ARID1B: variants seen among roughly 807,000 people sequenced by gnomAD.
The protein encoded by ARID1B is AT-rich interactive domain-containing protein 1B.
A neutral mutation model predicts 212.3 loss-of-function variants in ARID1B; 30 were observed. The ratio of observed to expected loss-of-function variants is 0.14; its 90% CI spans 0.11 to 0.19. The LOEUF (loss-of-function observed/expected upper bound fraction) is 0.19, where lower values mean the gene tolerates loss of function less well. Ranked by LOEUF, ARID1B falls within the 10% of genes least tolerant of loss-of-function variation. The probability of loss-of-function intolerance (pLI) is 1.00; values close to 1 mark genes in which losing one functional copy is unlikely to be tolerated. For missense variants in ARID1B, 2,891 were observed against 3,204.0 expected, an observed-to-expected ratio of 0.90 and a Z score of 2.36; for synonymous variants, 1,402 against 1,301.7, an observed-to-expected ratio of 1.08 and a Z score of -1.66.
intron 4 of ARID1B, among the ~76,000 whole-genome samples, chr6:156,979,961 T>C (rs1428533540): frequency 6.6e-6 from 1 of 152,108 alleles, no homozygotes; most frequent in African/African-American, 2.4e-5. Flanking sequence ...ATGGCTCGGC[T>C]TCCCAAAGTG....
Position 157,208,010 on chromosome 6 carries a change from C to G in ARID1B, c.*119C>G, listed in dbSNP as rs1794595067. On this transcript the variant is annotated 3_prime_UTR_variant, in exon 20 of 20. Coordinates refer to ENST00000636930, the MANE Select transcript of ARID1B (RefSeq NM_001374828.1). ...GAAAAGAAAATCTTTGCTCCTCTGC[C>G]CCATTCACTATTTACCAATTGGGAA... 7 of 1,076,480 alleles carry G rather than the reference C, an allele frequency of 6.5e-6. No individual in the cohort carries two copies. In the South Asian group the frequency reaches 1.9e-4, roughly 30 times the overall value. 66.7% of individuals were successfully genotyped at this position (1,076,480 alleles called of 1,614,324 possible).
At chr6:156,879,195 A>G (rs570161266) in intron 2 of ARID1B, among the ~76,000 whole-genome samples, 2 of 152,326 alleles carry the variant, frequency 1.3e-5, no homozygotes, top group South Asian at 4.1e-4. Flanking sequence ...GTACTAGGGT[A>G]TCTGGTTCTG....
At chr6:156,803,469 C>T (rs1258596977) in intron 1 of ARID1B, among the ~76,000 whole-genome samples, 2 of 151,944 alleles carry the variant, frequency 1.3e-5, no homozygotes, top group Non-Finnish European at 2.9e-5. Flanking sequence ...AATCTTTATC[C>T]ATCCACCATC....
chr6:157,023,259 C>G (rs1399427226), intron 4 of ARID1B: 2 of 152,202 alleles, frequency 1.3e-5, no homozygotes, highest in African/African-American at 4.8e-5. Flanking sequence ...AGGATAAACA[C>G]TGATTGGTTA....
intron 1 of ARID1B, among the ~76,000 whole-genome samples, chr6:156,805,368 A>G (rs1781082102): frequency 6.6e-6 from 1 of 152,224 alleles, no homozygotes; most frequent in Admixed American, 6.5e-5. Flanking sequence ...TTTTTGTAAA[A>G]TGGGAATAAT....
chr6:156,844,742 A>G (rs1302072017), intron 2 of ARID1B, among the ~76,000 whole-genome samples: 2 of 152,222 alleles, frequency 1.3e-5, no homozygotes, highest in Admixed American at 6.5e-5. Flanking sequence ...TCCATATTAT[A>G]ACTTTTGGTT....
intron 3 of ARID1B, among the ~76,000 whole-genome samples, chr6:156,925,082 AAATT>A (rs1791112609): frequency 6.6e-6 from 1 of 152,210 alleles, no homozygotes; most frequent in Non-Finnish European, 1.5e-5. Flanking sequence ...TTTTGAATAT[AAATT>A]AGCAGCCTCT....
chr6:156,973,673 G>T lies in ARID1B; in HGVS notation c.2247+38097G>T, dbSNP rs187275033. On this transcript the variant is annotated intron_variant, in intron 4 of 19. Transcript: ENST00000636930. ...CTTTTTAGCCCTCCAAATCCTTCCTGCTCTCAGGAGAACTGAGACTTGATT... is the reference window on the plus strand; with the variant it reads ...CTTTTTAGCCCTCCAAATCCTTCCTTCTCTCAGGAGAACTGAGACTTGATT... 3.3e-5 allele frequency among the ~76,000 whole-genome samples: 5 copies of T among 152,264 alleles called. No individual in the cohort carries two copies. The East Asian group carries it at 9.6e-4, about 29-fold the overall frequency.
chr6:156,924,672 C>T (rs1032379618), intron 3 of ARID1B, among the ~76,000 whole-genome samples: 5 of 152,024 alleles, frequency 3.3e-5, no homozygotes, highest in African/African-American at 9.7e-5. Context: ...TCATGGACAG[C>T]GAAACCGTGG....
chr6:156,976,715 C>A lies in ARID1B; in HGVS notation c.2247+41139C>A, dbSNP rs575580623. The A allele has an allele frequency of 1.1e-4, 45 of 425,840 alleles. No individual in the cohort carries two copies. In the Admixed American group the frequency reaches 1.1e-3, roughly 10 times the overall value. The allele number at this position is 425,840 out of a possible 1,614,324, so 26.4% of individuals were successfully genotyped here. Reference sequence around the variant, plus strand: ...GCTGCTCACTCTCCTGGTCCGTGGACTCTTTTTAAGCTGTAACACTCACCG... The same window carrying A: ...GCTGCTCACTCTCCTGGTCCGTGGAATCTTTTTAAGCTGTAACACTCACCG... On this transcript the variant is annotated intron_variant, in intron 4 of 19. Transcript: ENST00000636930.
chr6:157,102,667 C>CA (rs1471199501), intron 5 of ARID1B, among the ~76,000 whole-genome samples: 74 of 123,140 alleles, frequency 6.0e-4, no homozygotes, highest in African/African-American at 2.0e-3. Flanking sequence ...GGCTGGAGTA[C>CA]AGTGGCGCAA....
intron 1 of ARID1B, among the ~76,000 whole-genome samples, chr6:156,822,104 A>G (rs981534490): frequency 2.6e-5 from 4 of 152,000 alleles, no homozygotes; most frequent in Admixed American, 2.6e-4. Flanking sequence ...TCAGCCTCCC[A>G]AAGTGCTGAG....
In ARID1B at chr6:157,094,278, A is replaced by G. The variant is rs531244512; in HGVS notation, c.2491+9373A>G. Among the ~76,000 whole-genome samples, 3 of 152,258 alleles carry G rather than the reference A, an allele frequency of 2.0e-5. No individual in the cohort carries two copies. The highest frequency in any genetic ancestry group is 2.1e-4 in the South Asian group (1 of 4,816). On this transcript the variant is annotated intron_variant, in intron 5 of 19. Coordinates refer to ENST00000636930, the MANE Select transcript of ARID1B (RefSeq NM_001374828.1). This position sits in a 1 kb window ranked among gnomAD's most constrained non-coding sequence, Gnocchi z 4.3. Reference sequence around the variant, plus strand: ...AGCCACAGCATAGTGGTCACGGGCAATGGAGCAGAATGTGTGGGCAGTTAG... The same window carrying G: ...AGCCACAGCATAGTGGTCACGGGCAGTGGAGCAGAATGTGTGGGCAGTTAG...
intron 2 of ARID1B, among the ~76,000 whole-genome samples, chr6:156,875,023 A>G (rs1191603605): frequency 1.3e-5 from 2 of 152,208 alleles, no homozygotes; most frequent in Non-Finnish European, 2.9e-5. Flanking sequence ...TTTAGTTAAC[A>G]TATAGGATCT....
chr6:157,080,887 AATTAATC>A (rs1784593899), intron 4 of ARID1B, among the ~76,000 whole-genome samples: 1 of 152,232 alleles, frequency 6.6e-6, no homozygotes, highest in African/African-American at 2.4e-5. Context: ...GATTTTAAAA[AATTAATC>A]ATCGATAGTA....
At chr6:157,136,882 C>G (rs1788951996) in intron 7 of ARID1B, among the ~76,000 whole-genome samples, 1 of 151,138 alleles carries the variant, frequency 6.6e-6, no homozygotes, top group South Asian at 2.1e-4. Flanking sequence ...ACAACAACAA[C>G]AAAAATACTA....
At chr6:156,864,461 A>G (rs1227227730) in intron 2 of ARID1B, among the ~76,000 whole-genome samples, 3 of 152,168 alleles carry the variant, frequency 2.0e-5, no homozygotes, top group Non-Finnish European at 4.4e-5. Flanking sequence ...AGCTATCTGT[A>G]ATCTTTTCTT....
chr6:157,011,771 C>G (rs1427856769), intron 4 of ARID1B, among the ~76,000 whole-genome samples: 1 of 152,246 alleles, frequency 6.6e-6, no homozygotes, highest in African/African-American at 2.4e-5. Flanking sequence ...TCTTTCTCTA[C>G]TACCTTATTT....
At chr6:156,969,509 G>T (rs1399624541) in intron 4 of ARID1B, among the ~76,000 whole-genome samples, 2 of 152,188 alleles carry the variant, frequency 1.3e-5, no homozygotes, top group Admixed American at 6.5e-5. Flanking sequence ...CTGAACACAT[G>T]GTAGACATGG....
Sources: gnomAD v4.1 joint callset for allele counts (sites outside exome capture counted in the v4.1 genomes callset) on GRCh38, gnomAD v4.1.1 for gene constraint, Gnocchi (gnomAD v3.1) non-coding constraint, MANE v1.5 for transcripts, NCBI Gene and HGNC (gene_info 2026-07-23, HGNC 2026-07-21) for gene names.